Variants in CCDC175 observed in about 807,000 individuals in gnomAD.
CCDC175 encodes coiled-coil domain containing 175.
CCDC175 carries 100 observed loss-of-function variants against 114.6 expected under a neutral mutation model. The ratio of observed to expected loss-of-function variants is 0.87; its 90% CI spans 0.74 to 1.03. CCDC175 has a LOEUF of 1.03. Among genes scored for constraint, CCDC175 ranks in the 50% least tolerant of loss-of-function variants. The pLI, the probability that CCDC175 is intolerant of heterozygous loss-of-function variation, is 0.00. For missense variants in CCDC175, 880 were observed against 917.8 expected (o/e 0.96, Z 0.53); for synonymous variants, 306 against 308.7 (o/e 0.99, Z 0.09).
intron 7 of CCDC175, among the ~76,000 whole-genome samples, chr14:59,559,553 C>T (rs1325589381): frequency 6.6e-6 from 1 of 152,144 alleles, no homozygotes; most frequent in South Asian, 2.1e-4. Context: ...GTGTGTCGTG[C>T]AAATTATTTT....
chr14:59,528,364 T>C (rs376787288), intron 14 of CCDC175, among the ~76,000 whole-genome samples: 43 of 152,000 alleles, frequency 2.8e-4, no homozygotes, highest in African/African-American at 1.0e-3. Flanking sequence ...TGCTTGGACA[T>C]TTAAAAATGG....
chr14:59,547,317 T>C (rs1378583714), intron 8 of CCDC175, among the ~76,000 whole-genome samples: 4 of 152,166 alleles, frequency 2.6e-5, no homozygotes, highest in Non-Finnish European at 5.9e-5. Context: ...TTCAAACTGA[T>C]TTACAGATTT....
At chr14:59,529,774 C>G (rs1893955218) in intron 14 of CCDC175, among the ~76,000 whole-genome samples, 1 of 151,960 alleles carries the variant, frequency 6.6e-6, no homozygotes, top group Non-Finnish European at 1.5e-5. Context: ...TATGAGGGAA[C>G]AAAGATATAT....
chr14:59,550,412 T>G (rs1399143992), intron 8 of CCDC175, among the ~76,000 whole-genome samples: 1 of 152,178 alleles, frequency 6.6e-6, no homozygotes, highest in Non-Finnish European at 1.5e-5. Context: ...TGATATGATT[T>G]TTTTTTAACC....
At chr14:59,550,731 G>A (rs1895417145) in intron 8 of CCDC175, among the ~76,000 whole-genome samples, 1 of 152,148 alleles carries the variant, frequency 6.6e-6, no homozygotes, top group Non-Finnish European at 1.5e-5. Flanking sequence ...GAAAGATGTA[G>A]TCTGGGAGGC....
In CCDC175 at chr14:59,541,980, C is replaced by T. The variant is rs140537592; in HGVS notation, c.1284-1234G>A. Among the ~76,000 whole-genome samples, 246 of 152,258 alleles carry T rather than the reference C, an allele frequency of 1.6e-3. 2 individuals are homozygous for T. Among genetic ancestry groups the T allele is most frequent in the African/African-American group, 5.4e-3 (226 of 41,550 alleles). ...TATTATTTAACAATATGGGGACAAC[C>T]ATTCAAGCAAGGAACCTATGCTTCC... On this transcript the variant is annotated intron_variant, in intron 10 of 19. Transcript: ENST00000537690.
rs185258564 is a variant in CCDC175 at position 59,570,652 on chromosome 14, C to T, written c.355+2050G>A. ...TCTACATTGAGGCAAGGGAGCCAGA[C>T]CTTTATACCCTCATAGTGACCAATC... On this transcript the variant is annotated intron_variant, in intron 3 of 19. Transcript: ENST00000537690. Among the ~76,000 whole-genome samples, 97 of 152,242 alleles carry T rather than the reference C, an allele frequency of 6.4e-4. 1 individual carries two copies. The highest frequency in any genetic ancestry group is 2.0e-3 in the Admixed American group (31 of 15,290).
chr14:59,516,125 CA>C (rs1362548264), intron 17 of CCDC175, among the ~76,000 whole-genome samples: 2 of 152,140 alleles, frequency 1.3e-5, no homozygotes, highest in Admixed American at 1.3e-4. Context: ...CCAATGAGAA[CA>C]AAGACACGAC....
intron 8 of CCDC175, among the ~76,000 whole-genome samples, chr14:59,550,189 G>A (rs975274937): frequency 2.6e-5 from 4 of 152,128 alleles, no homozygotes; most frequent in Non-Finnish European, 4.4e-5. Context: ...AATTACAGGC[G>A]TGAGCCACCA....
intron 7 of CCDC175, among the ~76,000 whole-genome samples, chr14:59,560,722 A>G (rs1595067387): frequency 6.6e-6 from 1 of 152,152 alleles, no homozygotes; most frequent in African/African-American, 2.4e-5. Flanking sequence ...GTATTTTCTT[A>G]GGAAGTTTGG....
intron 7 of CCDC175, among the ~76,000 whole-genome samples, chr14:59,552,820 C>A (rs1895610952): frequency 6.6e-6 from 1 of 152,302 alleles, no homozygotes; most frequent in Admixed American, 6.5e-5. Context: ...GTGACAAATG[C>A]ACAAGCTTCA....
At chr14:59,572,385 AC>A (rs1393959867) in intron 3 of CCDC175, among the ~76,000 whole-genome samples, 19 of 152,278 alleles carry the variant, frequency 1.2e-4, no homozygotes, top group Non-Finnish European at 5.9e-5. Context: ...AGTAGCCAAA[AC>A]TCAGAGACAG....
chr14:59,555,202 G>GA, intron 7 of CCDC175, among the ~76,000 whole-genome samples: 1 of 152,272 alleles, frequency 6.6e-6, no homozygotes, highest in East Asian at 1.9e-4. Flanking sequence ...GAACATCGAT[G>GA]AAAAAATCCT....
intron 7 of CCDC175, among the ~76,000 whole-genome samples, chr14:59,559,069 A>G (rs1218694904): frequency 6.6e-6 from 1 of 152,172 alleles, no homozygotes; most frequent in African/African-American, 2.4e-5. Flanking sequence ...CTTTAACAGG[A>G]TGGAAGCCAT....
chr14:59,547,848 C>A (rs1895209101), intron 8 of CCDC175, among the ~76,000 whole-genome samples: 1 of 152,078 alleles, frequency 6.6e-6, no homozygotes, highest in African/African-American at 2.4e-5. Flanking sequence ...TTATATTCAT[C>A]AAAAATATGT....
intron 19 of CCDC175, among the ~76,000 whole-genome samples, chr14:59,509,922 G>A (rs1174657084): frequency 1.3e-5 from 2 of 152,042 alleles, no homozygotes; most frequent in East Asian, 3.9e-4. Flanking sequence ...TTGTACACTT[G>A]CCAGATGACA....
In CCDC175 at chr14:59,506,275, A is replaced by AT. The variant is rs35322741; in HGVS notation, c.2306-961dup. The stretch of plus-strand genomic sequence containing the variant: ...AATTGGTCTGTGTTTGAGCACAGGG[A>AT]TTTTTTTTTTTTTTTCTTTTTTTTT... On this transcript the variant is annotated intron_variant, in intron 19 of 19. Coordinates refer to ENST00000537690, the MANE Select transcript of CCDC175 (RefSeq NM_001164399.2). 7.7e-3 allele frequency among the ~76,000 whole-genome samples: 1,046 copies of AT among 135,946 alleles called. 12 individuals carry two copies. Among genetic ancestry groups the AT allele is most frequent in the Middle Eastern group, 0.023 (6 of 258 alleles). 89.2% of individuals were successfully genotyped at this position (135,946 alleles called of 152,430 possible). A position where few individuals can be genotyped will look rare whatever the true frequency, so the allele number is the denominator to read the frequency against.
intron 17 of CCDC175, among the ~76,000 whole-genome samples, chr14:59,516,744 G>T (rs1893113848): frequency 1.3e-5 from 2 of 152,146 alleles, no homozygotes; most frequent in South Asian, 4.1e-4. Flanking sequence ...AGAGGTACAA[G>T]GAGGAGCTGG....
Position 59,528,117 on chromosome 14 carries a change from T to A in CCDC175, c.1763-943A>T, listed in dbSNP as rs543042888. Among the ~76,000 whole-genome samples the A allele has an allele frequency of 3.3e-5, 5 of 152,258 alleles. No individual in the cohort carries two copies. In the East Asian group the frequency reaches 9.6e-4, roughly 29 times the overall value. On this transcript the variant is annotated intron_variant, in intron 14 of 19. Coordinates refer to ENST00000537690, the MANE Select transcript of CCDC175 (RefSeq NM_001164399.2). ...TGTTTCTATTCTATATTCTTGATAG[T>A]TTAGCTGGGTATCTAATGTTGGAAA...
Sources: allele counts gnomAD v4.1 joint callset (sites outside exome capture counted in the v4.1 genomes callset), GRCh38; gene constraint gnomAD v4.1.1; transcripts MANE v1.5; gene names NCBI Gene and HGNC (gene_info 2026-07-23, HGNC 2026-07-21).